The following MICU3 variants were observed in gnomAD, a reference collection of about 807,000 sequenced individuals.
MICU3 encodes the protein mitochondrial calcium uptake 3.
MICU3 carries 62 observed loss-of-function variants against 66.5 expected under a neutral mutation model. The ratio of observed to expected loss-of-function variants is 0.93; its 90% CI spans 0.76 to 1.15. MICU3 has a LOEUF of 1.15. Ranked by LOEUF, MICU3 falls within the 50% of genes most tolerant of loss-of-function variation. MICU3 has a pLI of 0.00. For synonymous variants in MICU3, 308 were observed against 240.7 expected, an observed-to-expected ratio of 1.28 and a Z score of -2.59; for missense variants, 779 against 664.4, an observed-to-expected ratio of 1.17 and a Z score of -1.90.
Position 17,118,782 on chromosome 8 carries a change from T to A in MICU3, c.*7T>A. 6.3e-7 allele frequency: 1 copy of A among 1,589,084 alleles called. No individual in the cohort carries two copies. ...AGAACTTCACAGCAGATAAGTATGTTAGCTTCTATTTGTCTAAATTTGTTC... is the reference window on the plus strand; with the variant it reads ...AGAACTTCACAGCAGATAAGTATGTAAGCTTCTATTTGTCTAAATTTGTTC... On this transcript the variant is annotated splice_region_variant and intron_variant, in intron 14 of 14. Coordinates refer to ENST00000318063, the MANE Select transcript of MICU3 (RefSeq NM_181723.3).
At chr8:17,059,874 G>A (rs527971579) in intron 1 of MICU3, among the ~76,000 whole-genome samples, 6 of 152,196 alleles carry the variant, frequency 3.9e-5, no homozygotes, top group African/African-American at 1.2e-4. Context: ...ATGTTCCTAG[G>A]TTGGAAAAAT....
intron 2 of MICU3, among the ~76,000 whole-genome samples, chr8:17,068,423 A>G (rs1563324807): frequency 6.6e-6 from 1 of 152,196 alleles, no homozygotes; most frequent in Non-Finnish European, 1.5e-5. Context: ...GAGCACGTGC[A>G]TGTACTTTTC....
Position 17,109,434 on chromosome 8 carries a change from T to C in MICU3, c.1257+3850T>C, listed in dbSNP as rs1043879076. 2.0e-5 allele frequency among the ~76,000 whole-genome samples: 3 copies of C among 152,168 alleles called. No homozygotes were observed. The East Asian group carries it at 5.8e-4, about 29-fold the overall frequency. On this transcript the variant is annotated intron_variant, in intron 11 of 14. Transcript: ENST00000318063. ...AGGCTGGAAATGGCCTAAATGTCTT[T>C]CAGTAAGTCACTGATCAAATATATC...
chr8:17,038,547 T>C (rs371844190), intron 1 of MICU3, among the ~76,000 whole-genome samples: 175 of 152,296 alleles, frequency 1.1e-3, no homozygotes, highest in African/African-American at 3.9e-3. Flanking sequence ...AACAGACTAA[T>C]ACACAAGGTT....
intron 2 of MICU3, among the ~76,000 whole-genome samples, chr8:17,064,891 T>C (rs1818448664): frequency 6.6e-6 from 1 of 152,144 alleles, no homozygotes; most frequent in Non-Finnish European, 1.5e-5. Flanking sequence ...CCTTTGATAC[T>C]GTATCACAAT....
intron 5 of MICU3, among the ~76,000 whole-genome samples, chr8:17,083,918 A>G (rs529767331): frequency 6.6e-6 from 1 of 152,104 alleles, no homozygotes; most frequent in Non-Finnish European, 1.5e-5. Flanking sequence ...AGGGTAGCCA[A>G]TTGTTGAGAT....
At chr8:17,032,875 A>AC (rs1490704071) in intron 1 of MICU3, among the ~76,000 whole-genome samples, 2 of 152,148 alleles carry the variant, frequency 1.3e-5, no homozygotes, top group African/African-American at 4.8e-5. Flanking sequence ...AGTATTTCAG[A>AC]CTTTTTCGTT....
chr8:17,043,193 C>A (rs1245351693), intron 1 of MICU3, among the ~76,000 whole-genome samples: 1 of 152,008 alleles, frequency 6.6e-6, no homozygotes, highest in Non-Finnish European at 1.5e-5. Context: ...CCCGCCTCGG[C>A]CTCCCAAATG....
At chr8:17,117,722 C>T (rs1460386019) in intron 13 of MICU3, among the ~76,000 whole-genome samples, 3 of 151,512 alleles carry the variant, frequency 2.0e-5, no homozygotes, top group Non-Finnish European at 4.4e-5. Context: ...GATTCCCTTG[C>T]CTCAGCCTCC....
At chr8:17,117,800 G>C (rs1369803441) in intron 13 of MICU3, among the ~76,000 whole-genome samples, 1 of 152,098 alleles carries the variant, frequency 6.6e-6, no homozygotes, top group East Asian at 1.9e-4. Context: ...AGTAGAGACA[G>C]GGTTTTGCCA....
chr8:17,115,092 C>T (rs2517040), intron 12 of MICU3, among the ~76,000 whole-genome samples: 68,146 of 147,146 alleles, frequency 0.46, 16,527 homozygotes, highest in African/African-American at 0.62. Context: ...GCACTCCAGC[C>T]TGGGCGACAG....
At chr8:17,091,376 C>G (rs986782204) in intron 8 of MICU3, among the ~76,000 whole-genome samples, 6 of 151,984 alleles carry the variant, frequency 3.9e-5, no homozygotes, top group African/African-American at 1.4e-4. Flanking sequence ...TGCAAGGATC[C>G]CTCAATTTTT....
the MICU3 span, among the ~76,000 whole-genome samples, chr8:17,136,837 C>CT: frequency 0.052 from 7,254 of 140,312 alleles, 274 homozygotes; most frequent in African/African-American, 0.086. Flanking sequence ...GGAGATAAAC[C>CT]TTTTTTTTTT....
chr8:17,129,768 T>A, the MICU3 span, among the ~76,000 whole-genome samples: 1 of 152,094 alleles, frequency 6.6e-6, no homozygotes, highest in South Asian at 2.1e-4. Context: ...CTTCCCAAAT[T>A]TGAAGAAATG....
chr8:17,080,434 A>G (rs955165546), intron 4 of MICU3, among the ~76,000 whole-genome samples: 7 of 152,114 alleles, frequency 4.6e-5, no homozygotes, highest in African/African-American at 1.2e-4. Context: ...ATACCAACCA[A>G]CATCTCTTGT....
chr8:17,134,655 A>G, the MICU3 span, among the ~76,000 whole-genome samples: 1 of 152,288 alleles, frequency 6.6e-6, no homozygotes, highest in East Asian at 1.9e-4. Flanking sequence ...CATGTTAGCC[A>G]GGATGGTCTC....
At chr8:17,107,497 TAAG>T (rs1282192200) in intron 11 of MICU3, among the ~76,000 whole-genome samples, 1 of 152,102 alleles carries the variant, frequency 6.6e-6, no homozygotes, top group African/African-American at 2.4e-5. Flanking sequence ...TAGGCTAAGG[TAAG>T]AAGTTTAGTT....
rs369087557 is a variant in MICU3 at position 17,102,014 on chromosome 8, A to T, written c.985-2377A>T. 7.3e-4 allele frequency among the ~76,000 whole-genome samples: 111 copies of T among 152,054 alleles called. 4 individuals are homozygous for T. The South Asian group carries it at 0.022, about 30-fold the overall frequency. On this transcript the variant is annotated intron_variant, in intron 9 of 14. Transcript: ENST00000318063. ...ACTATTATTATTCCTTAAGATAGTA[A>T]TATCCTCGAGAGATTAACTTCTCTA...
chr8:17,068,256 T>G (rs1461438609), intron 2 of MICU3, among the ~76,000 whole-genome samples: 2 of 152,166 alleles, frequency 1.3e-5, no homozygotes, highest in African/African-American at 4.8e-5. Context: ...TCTTTAGTCT[T>G]TATTTAAAAA....
Sources: allele counts gnomAD v4.1 joint callset (sites outside exome capture counted in the v4.1 genomes callset), GRCh38; gene constraint gnomAD v4.1.1; transcripts MANE v1.5; gene names NCBI Gene and HGNC (gene_info 2026-07-23, HGNC 2026-07-21).